The following VTI1B variants were observed in gnomAD, a reference collection of about 807,000 sequenced individuals.
The protein encoded by VTI1B is vesicle transport through interaction with t-SNAREs 1B.
A neutral mutation model predicts 28.6 loss-of-function variants in VTI1B; 18 were observed. The ratio of observed to expected loss-of-function variants is 0.63; its 90% CI spans 0.43 to 0.93. The LOEUF is 0.93. Among genes scored for constraint, VTI1B ranks in the 40% least tolerant of loss-of-function variants. The probability of loss-of-function intolerance (pLI) is 0.00; values close to 1 mark genes in which losing one functional copy is unlikely to be tolerated. For missense variants in VTI1B, 283 were observed against 297.0 expected, an observed-to-expected ratio of 0.95 and a Z score of 0.35; for synonymous variants, 100 against 107.9, an observed-to-expected ratio of 0.93 and a Z score of 0.46.
chr14:67,650,109 T>C lies in VTI1B; in HGVS notation c.*1276A>G, dbSNP rs2037152858. The C allele has an allele frequency of 6.5e-6, 1 of 153,950 alleles. No homozygotes were observed. Among genetic ancestry groups the C allele is most frequent in the Admixed American group, 6.4e-5 (1 of 15,670 alleles). 9.5% of individuals were successfully genotyped at this position (153,950 alleles called of 1,614,324 possible). A position where few individuals can be genotyped will look rare whatever the true frequency, so the allele number is the denominator to read the frequency against. ...TCTTGATCAAGTACAAGACACTGGG[T>C]CAGTCTGCTGGGAGACAAAAAGATG... On this transcript the variant is annotated 3_prime_UTR_variant, in exon 6 of 6. Coordinates refer to ENST00000554659, the MANE Select transcript of VTI1B (RefSeq NM_006370.3).
Position 67,651,116 on chromosome 14 carries a change from A to G in VTI1B, c.*269T>C. The G allele has an allele frequency of 1.1e-6, 1 of 913,568 alleles. No homozygotes were observed. The highest frequency in any genetic ancestry group is 1.6e-6 in the Non-Finnish European group (1 of 616,706). The allele number at this position is 913,568 out of a possible 1,614,324, so 56.6% of individuals were successfully genotyped here. A position where few individuals can be genotyped will look rare whatever the true frequency, so the allele number is the denominator to read the frequency against. On this transcript the variant is annotated 3_prime_UTR_variant, in exon 6 of 6. Coordinates refer to ENST00000554659, the MANE Select transcript of VTI1B (RefSeq NM_006370.3). ...AAATGTATTTGGTTTTTTGCAGTTC[A>G]CAGGGTATTAATATGCTACAGTACT...
At chr14:67,654,705 A>G (rs2037231480) in intron 4 of VTI1B, among the ~76,000 whole-genome samples, 1 of 152,114 alleles carries the variant, frequency 6.6e-6, no homozygotes, top group Admixed American at 6.6e-5. Context: ...TGCTATTAAG[A>G]ATACAGCATT....
intron 1 of VTI1B, among the ~76,000 whole-genome samples, chr14:67,666,519 C>A (rs1043451506): frequency 6.6e-6 from 1 of 152,172 alleles, no homozygotes; most frequent in Non-Finnish European, 1.5e-5. Flanking sequence ...AAACAGAAAC[C>A]TTTGAAATCA....
intron 4 of VTI1B, 128 bp downstream of exon 4, chr14:67,656,288 T>C (rs1483963822): frequency 2.3e-6 from 2 of 871,180 alleles, no homozygotes; most frequent in Admixed American, 3.1e-5. Context: ...GAGAAAAGCA[T>C]AAGAACTTAA....
chr14:67,653,489 T>A lies in VTI1B; in HGVS notation c.550A>T (p.Thr184Ser). 1.2e-6 allele frequency: 2 copies of A among 1,613,942 alleles called. No homozygotes were observed. Among genetic ancestry groups the A allele is most frequent in the Non-Finnish European group, 1.7e-6 (2 of 1,179,818 alleles). The change falls in exon 5 of 6, where the codon ACA (threonine) becomes TCA (serine). Residue 184 changes from threonine to serine, a missense_variant. Physicochemically the swap from Thr to Ser is moderately conservative, Grantham distance 58. Coordinates refer to ENST00000554659, the MANE Select transcript of VTI1B (RefSeq NM_006370.3). ...CGACTTTTGCTCAAGTTTTCACTTG[T>A]GTTTACCAGCTGAGAAGAGAAAATA... ...LERTKSRLVN[T>S]SENLSKSRKI...
rs997387643 is a variant in VTI1B, at chr14:67,650,004, G to C, written c.*1381C>G. Reference sequence around the variant, plus strand: ...CTCCAGGCCAAAGGAACACTACCGAGAACTTTGACACAAGTTCTCAAACCT... The same window carrying C: ...CTCCAGGCCAAAGGAACACTACCGACAACTTTGACACAAGTTCTCAAACCT... On this transcript the variant is annotated 3_prime_UTR_variant, in exon 6 of 6. Transcript: ENST00000554659. 6.6e-6 allele frequency: 1 copy of C among 152,264 alleles called. No individual in the cohort carries two copies. Among genetic ancestry groups the C allele is most frequent in the Non-Finnish European group, 1.5e-5 (1 of 68,162 alleles). 9.4% of individuals were successfully genotyped at this position (152,264 alleles called of 1,614,324 possible).
chr14:67,661,299 A>AT, intron 2 of VTI1B, among the ~76,000 whole-genome samples: 3 of 129,922 alleles, frequency 2.3e-5, no homozygotes, highest in East Asian at 2.6e-4. Flanking sequence ...AAAAAAAAAA[A>AT]GTTTTTTTTT....
chr14:67,667,229 G>A (rs1399794804), intron 1 of VTI1B, among the ~76,000 whole-genome samples: 1 of 152,174 alleles, frequency 6.6e-6, no homozygotes, highest in Non-Finnish European at 1.5e-5. Flanking sequence ...TCTTCCTTAT[G>A]GGGATTTGAA....
chr14:67,666,768 G>A (rs1474014640), intron 1 of VTI1B, among the ~76,000 whole-genome samples: 4 of 152,152 alleles, frequency 2.6e-5, no homozygotes, highest in Non-Finnish European at 5.9e-5. Flanking sequence ...AACAGCAAAT[G>A]TATGGCAGCA....
chr14:67,654,921 C>A (rs148091343), intron 4 of VTI1B, among the ~76,000 whole-genome samples: 1 of 144,724 alleles, frequency 6.9e-6, no homozygotes, highest in Non-Finnish European at 1.5e-5. Flanking sequence ...CCCAGCTACT[C>A]GGGAGGCCGA....
Position 67,650,859 on chromosome 14 carries a change from A to T in VTI1B, c.*526T>A. The T allele has an allele frequency of 6.2e-7, 1 of 1,614,220 alleles. No homozygotes were observed. The highest frequency in any genetic ancestry group is 8.5e-7 in the Non-Finnish European group (1 of 1,180,022). On this transcript the variant is annotated 3_prime_UTR_variant, in exon 6 of 6. Transcript: ENST00000554659. ...AGAGAAGGAGGGCATATTGTCTATG[A>T]CCAACTTCCTACTCCCAGTTCACCA...
chr14:67,647,181 T>C lies in VTI1B; in HGVS notation c.*4204A>G, dbSNP rs574863109. On this transcript the variant is annotated 3_prime_UTR_variant, in exon 6 of 6. Transcript: ENST00000554659. ...AAGGCAAAATTTGAAACACAGGTCA[T>C]ATTCTTCCTCTGGGGTTTTTGGGAG... 1.5e-4 allele frequency: 82 copies of C among 545,064 alleles called. No homozygotes were observed. The Admixed American group carries it at 2.6e-3, about 17-fold the overall frequency. 33.8% of individuals were successfully genotyped at this position (545,064 alleles called of 1,614,324 possible).
chr14:67,668,728 C>G lies in VTI1B; in HGVS notation c.115+5647G>C, dbSNP rs150102890. ...TTCACACTTAGCCTTCATCAGAAAC[C>G]CCCTGGAGGGCTGTGAAAACACACT... is the stretch of plus-strand genomic sequence containing the variant. On this transcript the variant is annotated intron_variant, in intron 1 of 5. Transcript: ENST00000554659. Among the ~76,000 whole-genome samples the G allele has an allele frequency of 1.1e-4, 16 of 152,278 alleles. No individual in the cohort carries two copies. The East Asian group carries it at 3.1e-3, about 29-fold the overall frequency.
In VTI1B at chr14:67,659,918, G is replaced by A. The variant is rs2037314873; in HGVS notation, c.179C>T (p.Ala60Val). 1 of 1,612,214 alleles carries A rather than the reference G, an allele frequency of 6.2e-7. No individual in the cohort carries two copies. The highest frequency in any genetic ancestry group is 2.2e-5 in the East Asian group (1 of 44,840). The change falls in exon 3 of 6, where the codon GCA (alanine) becomes GTA (valine). Residue 60 changes from alanine (A) to valine (V), a missense_variant. Coordinates refer to ENST00000554659, the MANE Select transcript of VTI1B (RefSeq NM_006370.3). Reference sequence around the variant, plus strand: ...ATAACGTAGCTCCTCCTCCATCTCTGCCAGCTGGGAAGGCAGAAAGTAGTG... The same window carrying A: ...ATAACGTAGCTCCTCCTCCATCTCTACCAGCTGGGAAGGCAGAAAGTAGTG... ...EKQQEANETL[A>V]EMEEELRYAP...
chr14:67,651,569 G>C, intron 5 of VTI1B, 88 bp from the exon 6 acceptor site: 1 of 1,443,584 alleles, frequency 6.9e-7, no homozygotes, highest in Non-Finnish European at 9.4e-7. Flanking sequence ...GACCACGGCT[G>C]GATACTCTGA....
rs1405968552 is a variant in VTI1B at position 67,674,593 on chromosome 14, C to T, written c.-104G>A. ...GCCCAGTGGCCATAACGGCGACCGC[C>T]GCACCACCGCCGCCCAGGACGAGGC... On this transcript the variant is annotated 5_prime_UTR_variant, in exon 1 of 6. Transcript: ENST00000554659. The T allele has an allele frequency of 2.2e-6, 2 of 894,114 alleles. No homozygotes were observed. The highest frequency in any genetic ancestry group is 1.8e-5 in the African/African-American group (1 of 56,428). The allele number at this position is 894,114 out of a possible 1,614,324, so 55.4% of individuals were successfully genotyped here.
intron 5 of VTI1B, 108 bp downstream of exon 5, chr14:67,653,329 C>T (rs1018045863): frequency 1.9e-5 from 16 of 851,358 alleles, no homozygotes; most frequent in Middle Eastern, 2.3e-4. Flanking sequence ...AGGGACTATG[C>T]GTCAACTGCT....
intron 1 of VTI1B, among the ~76,000 whole-genome samples, chr14:67,669,831 A>G (rs1176154590): frequency 1.3e-5 from 2 of 152,172 alleles, no homozygotes; most frequent in East Asian, 3.9e-4. Flanking sequence ...CGGGAACTGT[A>G]GCTCACCCCT....
At chr14:67,669,305 TG>T (rs1210682593) in intron 1 of VTI1B, among the ~76,000 whole-genome samples, 1 of 151,566 alleles carries the variant, frequency 6.6e-6, no homozygotes, top group Non-Finnish European at 1.5e-5. Flanking sequence ...AGTCTTGCTC[TG>T]TCACCCAGGT....
Sources: gnomAD v4.1 joint callset for allele counts (sites outside exome capture counted in the v4.1 genomes callset) on GRCh38, gnomAD v4.1.1 for gene constraint, MANE v1.5 for transcripts, NCBI Gene and HGNC (gene_info 2026-07-23, HGNC 2026-07-21) for gene names.